FAM171A1: variants seen among roughly 807,000 people sequenced by gnomAD.
The protein encoded by FAM171A1 is protein FAM171A1.
FAM171A1 carries 23 observed loss-of-function variants against 74.9 expected under a neutral mutation model. The observed-to-expected ratio is 0.31, with a 90% CI of 0.22 to 0.44. The LOEUF is 0.44. Among genes scored for constraint, FAM171A1 ranks in the 20% least tolerant of loss-of-function variants. The pLI, the probability that FAM171A1 is intolerant of heterozygous loss-of-function variation, is 1.00. For synonymous variants in FAM171A1, 527 were observed against 505.7 expected (o/e 1.04, Z -0.57); for missense variants, 1,162 against 1,159.2 (o/e 1.00, Z -0.03).
At chr10:15,311,669 A>C (rs1835360881) in intron 1 of FAM171A1, among the ~76,000 whole-genome samples, 1 of 150,912 alleles carries the variant, frequency 6.6e-6, no homozygotes, top group Non-Finnish European at 1.5e-5. Context: ...AAGCCGCCCC[A>C]CCCCACCTGG....
chr10:15,350,086 C>T (rs1343111365), intron 1 of FAM171A1, among the ~76,000 whole-genome samples: 1 of 152,084 alleles, frequency 6.6e-6, no homozygotes, highest in Non-Finnish European at 1.5e-5. Flanking sequence ...AGTAACACCC[C>T]TACACGTGAT....
chr10:15,269,898 T>A (rs1834799782), intron 3 of FAM171A1, among the ~76,000 whole-genome samples: 1 of 152,192 alleles, frequency 6.6e-6, no homozygotes, highest in Admixed American at 6.5e-5. Context: ...GCTATCACCA[T>A]CCAACAATAA....
intron 4 of FAM171A1, among the ~76,000 whole-genome samples, chr10:15,252,875 C>T (rs964185624): frequency 1.6e-4 from 24 of 152,216 alleles, no homozygotes; most frequent in African/African-American, 5.3e-4. Flanking sequence ...TCAAGAGCTA[C>T]TGGAAGTGGG....
chr10:15,284,143 A>G (rs1449071131), intron 1 of FAM171A1, 38 bp from the exon 2 acceptor site: 1 of 1,581,228 alleles, frequency 6.3e-7, no homozygotes, highest in Non-Finnish European at 8.6e-7. Context: ...GCTACTGTCA[A>G]TGGGAAACAT....
intron 1 of FAM171A1, among the ~76,000 whole-genome samples, chr10:15,335,219 G>C (rs1243207705): frequency 6.6e-6 from 1 of 152,170 alleles, no homozygotes; most frequent in Admixed American, 6.5e-5. Context: ...ATTCCAGCCT[G>C]GGCGACAGAG....
intron 1 of FAM171A1, among the ~76,000 whole-genome samples, chr10:15,347,783 C>G (rs12784307): frequency 0.078 from 10,586 of 136,312 alleles, 486 homozygotes; most frequent in Middle Eastern, 0.15. Flanking sequence ...TGCAGTAAGC[C>G]GAGATCGCAC....
intron 1 of FAM171A1, among the ~76,000 whole-genome samples, chr10:15,352,386 G>A (rs766878407): frequency 3.3e-5 from 5 of 152,108 alleles, no homozygotes; most frequent in Non-Finnish European, 5.9e-5. Flanking sequence ...ACAGGAATGG[G>A]CCTCACCCAA....
intron 1 of FAM171A1, among the ~76,000 whole-genome samples, chr10:15,307,478 C>G (rs1341532473): frequency 5.3e-5 from 8 of 151,836 alleles, no homozygotes; most frequent in African/African-American, 1.9e-4. Flanking sequence ...AACATCGTCT[C>G]TACTAAAAAC....
chr10:15,255,929 T>C (rs1200988135), intron 3 of FAM171A1, among the ~76,000 whole-genome samples: 2 of 152,170 alleles, frequency 1.3e-5, no homozygotes, highest in Non-Finnish European at 2.9e-5. Context: ...ATTACAGGTG[T>C]GAGCCACCGC....
chr10:15,323,902 C>T (rs1458073639), intron 1 of FAM171A1, among the ~76,000 whole-genome samples: 1 of 151,784 alleles, frequency 6.6e-6, no homozygotes, highest in Non-Finnish European at 1.5e-5. Context: ...ACCTACTTGC[C>T]AGGAAAGACT....
chr10:15,216,047 C>A lies in FAM171A1; in HGVS notation c.935G>T (p.Gly312Val). The part of the protein sequence containing the change: ...HTVFLLAILG[G>V]MAFILLVLLC... ...CAAAACCAAAAGTATGAAAGCCATT[C>A]CTCCTAAAATGGCCAAAAGAAACAC... The change falls in exon 7 of 8, where the codon GGA becomes GTA. Residue 312 changes from glycine to valine, a missense_variant. Gly to Val is a moderately radical substitution (Grantham distance 109). Transcript: ENST00000378116. 1 of 1,612,296 alleles carries A rather than the reference C, an allele frequency of 6.2e-7. No homozygotes were observed. Among genetic ancestry groups the A allele is most frequent in the Non-Finnish European group, 8.5e-7 (1 of 1,179,756 alleles).
intron 1 of FAM171A1, among the ~76,000 whole-genome samples, chr10:15,296,404 A>G (rs985416777): frequency 1.3e-5 from 2 of 152,200 alleles, no homozygotes; most frequent in Admixed American, 1.3e-4. Flanking sequence ...ATACATCTCA[A>G]TAAGAATCTG....
chr10:15,344,384 A>G (rs1033685957), intron 1 of FAM171A1, among the ~76,000 whole-genome samples: 3 of 152,158 alleles, frequency 2.0e-5, no homozygotes, highest in African/African-American at 7.2e-5. Context: ...TCTACAAAAA[A>G]TAAACAAAAT....
At chr10:15,296,247 A>G (rs1835159725) in intron 1 of FAM171A1, among the ~76,000 whole-genome samples, 1 of 152,020 alleles carries the variant, frequency 6.6e-6, no homozygotes, top group Non-Finnish European at 1.5e-5. Context: ...ATTCTATTTT[A>G]TTTTCTACCC....
At chr10:15,252,910 G>A (rs1272891128) in intron 4 of FAM171A1, among the ~76,000 whole-genome samples, 1 of 152,182 alleles carries the variant, frequency 6.6e-6, no homozygotes, top group Non-Finnish European at 1.5e-5. Flanking sequence ...AATGAGTCCC[G>A]AGCACGGAGG....
intron 1 of FAM171A1, among the ~76,000 whole-genome samples, chr10:15,316,487 C>T (rs528414497): frequency 6.6e-6 from 1 of 152,338 alleles, no homozygotes; most frequent in African/African-American, 2.4e-5. Flanking sequence ...GTCCATGTGT[C>T]TGGCTACCCT....
intron 1 of FAM171A1, among the ~76,000 whole-genome samples, chr10:15,351,593 A>ATGGATGGATGTT (rs1835878941): frequency 3.9e-5 from 2 of 51,428 alleles, no homozygotes; most frequent in African/African-American, 1.4e-4. Flanking sequence ...GGATGGATGG[A>ATGGATGGATGTT]TGCATGGATG....
intron 1 of FAM171A1, among the ~76,000 whole-genome samples, chr10:15,315,841 C>G (rs1163567636): frequency 6.6e-6 from 1 of 152,074 alleles, no homozygotes; most frequent in Admixed American, 6.5e-5. Context: ...TTCCCCTTGC[C>G]CTCGCCCCCT....
At chr10:15,337,323 G>A (rs988991097) in intron 1 of FAM171A1, among the ~76,000 whole-genome samples, 1 of 152,200 alleles carries the variant, frequency 6.6e-6, no homozygotes, top group East Asian at 1.9e-4. Flanking sequence ...AATTGTCCTG[G>A]TATTCCTAAA....
Sources: gnomAD v4.1 joint callset for allele counts (sites outside exome capture counted in the v4.1 genomes callset) on GRCh38, gnomAD v4.1.1 for gene constraint, MANE v1.5 for transcripts, NCBI Gene and HGNC (gene_info 2026-07-23, HGNC 2026-07-21) for gene names.